Variants in CPPED1 observed in about 807,000 individuals in gnomAD.
CPPED1 encodes the protein calcineurin like phosphoesterase domain containing 1.
CPPED1 carries 28 observed loss-of-function variants against 28.0 expected under a neutral mutation model. The ratio of observed to expected loss-of-function variants is 1.00; its 90% CI spans 0.74 to 1.37. CPPED1 has a LOEUF of 1.37. CPPED1 is among the 40% of genes most tolerant of loss of function. The pLI is 0.00. For missense variants in CPPED1, 504 were observed against 416.5 expected (o/e 1.21, Z -1.83); for synonymous variants, 198 against 180.2 (o/e 1.10, Z -0.79).
intron 2 of CPPED1, among the ~76,000 whole-genome samples, chr16:12,706,060 A>G (rs565466020): frequency 1.2e-4 from 19 of 152,202 alleles, no homozygotes; most frequent in Non-Finnish European, 1.9e-4. Context: ...CAGAATTTCA[A>G]TATCTCACTG....
chr16:12,664,690 T>C lies in CPPED1; in HGVS notation c.*196A>G. ...CTGATTTCCAGGATCATTCGCTCCA[T>C]TTTAAAGGAAATGCAGTTCTATTTT... On this transcript the variant is annotated 3_prime_UTR_variant, in exon 4 of 4. Coordinates refer to ENST00000381774, the MANE Select transcript of CPPED1 (RefSeq NM_018340.3). This position sits in a 1 kb window ranked among gnomAD's most constrained non-coding sequence, Gnocchi z 4.2. 7.0e-7 allele frequency: 1 copy of C among 1,426,344 alleles called. No individual in the cohort carries two copies. Among genetic ancestry groups the C allele is most frequent in the Non-Finnish European group, 9.1e-7 (1 of 1,101,136 alleles). The allele number at this position is 1,426,344 out of a possible 1,614,324, so 88.4% of individuals were successfully genotyped here. A position where few individuals can be genotyped will look rare whatever the true frequency, so the allele number is the denominator to read the frequency against.
chr16:12,732,376 G>C lies in CPPED1; in HGVS notation c.290-27327C>G, dbSNP rs1034283210. 2.0e-5 allele frequency among the ~76,000 whole-genome samples: 3 copies of C among 148,720 alleles called. No individual in the cohort carries two copies. In the East Asian group the frequency reaches 5.9e-4, roughly 29 times the overall value. Reference sequence around the variant, plus strand: ...AAAAAAAAAAAAGGAAATAATATTTGAGGACCAGAACAAGAGGTCCAATAT... The same window carrying C: ...AAAAAAAAAAAAGGAAATAATATTTCAGGACCAGAACAAGAGGTCCAATAT... On this transcript the variant is annotated intron_variant, in intron 2 of 3. Coordinates refer to ENST00000381774, the MANE Select transcript of CPPED1 (RefSeq NM_018340.3).
intron 2 of CPPED1, among the ~76,000 whole-genome samples, chr16:12,778,947 T>C (rs2080513694): frequency 6.6e-6 from 1 of 152,238 alleles, no homozygotes; most frequent in South Asian, 2.1e-4. Context: ...TATGAAGTCT[T>C]GACCAACTGG....
At chr16:12,768,471 T>G (rs1292862900) in intron 2 of CPPED1, among the ~76,000 whole-genome samples, 1 of 152,242 alleles carries the variant, frequency 6.6e-6, no homozygotes, top group East Asian at 1.9e-4. Context: ...TAGCTACGAT[T>G]AAGACTTCTG....
At chr16:12,803,575 T>C (rs148968669) in intron 1 of CPPED1, 132 bp downstream of exon 1, 7,817 of 735,766 alleles carry the variant, frequency 0.011, 56 homozygotes, top group Admixed American at 0.016. Context: ...GATGCAGCTA[T>C]GGCGGCTCCC....
chr16:12,785,429 T>TC (rs1400600585), intron 1 of CPPED1, among the ~76,000 whole-genome samples: 1 of 147,080 alleles, frequency 6.8e-6, no homozygotes, highest in Non-Finnish European at 1.5e-5. Flanking sequence ...GTGAATTCTT[T>TC]TTTTTTTTTT....
At chr16:12,705,813 G>A (rs1331250149) in intron 2 of CPPED1, among the ~76,000 whole-genome samples, 1 of 152,228 alleles carries the variant, frequency 6.6e-6, no homozygotes, top group Admixed American at 6.5e-5. Flanking sequence ...GGCAGAACAT[G>A]CGTTCTTTCA....
chr16:12,790,918 CAAAA>C (rs538022826), intron 1 of CPPED1, among the ~76,000 whole-genome samples: 13 of 63,310 alleles, frequency 2.1e-4, no homozygotes, highest in African/African-American at 4.7e-4. Flanking sequence ...GACTCTATCT[CAAAA>C]AAAAAAAAAA....
At chr16:12,685,657 C>T (rs1294474198) in intron 3 of CPPED1, among the ~76,000 whole-genome samples, 1 of 152,116 alleles carries the variant, frequency 6.6e-6, no homozygotes, top group Non-Finnish European at 1.5e-5. Flanking sequence ...CTGGTTGCCT[C>T]TCACTATCCA....
chr16:12,742,490 TAA>T, intron 2 of CPPED1, among the ~76,000 whole-genome samples: 1 of 152,288 alleles, frequency 6.6e-6, no homozygotes, highest in East Asian at 1.9e-4. Flanking sequence ...TGCAAAAACA[TAA>T]AATCTATCTG....
chr16:12,729,569 C>T (rs1207886625), intron 2 of CPPED1, among the ~76,000 whole-genome samples: 1 of 152,112 alleles, frequency 6.6e-6, no homozygotes, highest in African/African-American at 2.4e-5. Flanking sequence ...GTCTGGAGTA[C>T]TGGTGAGAGG....
intron 2 of CPPED1, among the ~76,000 whole-genome samples, chr16:12,744,270 AAGAGAGAGAG>A (rs112990748): frequency 7.9e-5 from 11 of 139,906 alleles, no homozygotes; most frequent in African/African-American, 2.2e-4. Context: ...GACTCTGTGA[AAGAGAGAGAG>A]AGAGAGAGAG....
chr16:12,760,993 A>G (rs2080405917), intron 2 of CPPED1: 1 of 151,562 alleles, frequency 6.6e-6, no homozygotes, highest in Admixed American at 6.5e-5. Context: ...GGCTGTCATT[A>G]AGTTCCAGTG....
chr16:12,776,850 C>T (rs1259995275), intron 2 of CPPED1, among the ~76,000 whole-genome samples: 2 of 151,972 alleles, frequency 1.3e-5, no homozygotes, highest in African/African-American at 2.4e-5. Context: ...ACCCAGGAGG[C>T]GGAGGTTGCA....
At chr16:12,673,957 G>C (rs2079865498) in intron 3 of CPPED1, among the ~76,000 whole-genome samples, 1 of 152,158 alleles carries the variant, frequency 6.6e-6, no homozygotes, top group Admixed American at 6.5e-5. Flanking sequence ...GCTGAGAAGG[G>C]AGGATTGCTT....
At chr16:12,786,966 T>C (rs1033984787) in intron 1 of CPPED1, among the ~76,000 whole-genome samples, 10 of 152,196 alleles carry the variant, frequency 6.6e-5, no homozygotes, top group Non-Finnish European at 1.5e-4. Context: ...TCTAATTTAT[T>C]ACTACATGAC....
rs146526418 is a variant in CPPED1 at position 12,680,312 on chromosome 16, G to A, written c.716-15197C>T. Among the ~76,000 whole-genome samples, 121 of 152,042 alleles carry A rather than the reference G, an allele frequency of 8.0e-4. 1 individual carries two copies. The highest frequency in any genetic ancestry group is 2.8e-3 in the African/African-American group (117 of 41,458). On this transcript the variant is annotated intron_variant, in intron 3 of 3. Coordinates refer to ENST00000381774, the MANE Select transcript of CPPED1 (RefSeq NM_018340.3). ...GTTCAGCACATTAATAAATCTGTAT[G>A]CATTTTTTCCTGTTCACCTGTTTAT...
chr16:12,764,097 A>G (rs556967701), intron 2 of CPPED1, among the ~76,000 whole-genome samples: 1 of 151,032 alleles, frequency 6.6e-6, no homozygotes, highest in East Asian at 1.9e-4. Flanking sequence ...AGTTTCCATA[A>G]TTTTTCATGA....
intron 2 of CPPED1, among the ~76,000 whole-genome samples, chr16:12,708,076 G>A (rs958032117): frequency 6.6e-6 from 1 of 152,200 alleles, no homozygotes; most frequent in Non-Finnish European, 1.5e-5. Flanking sequence ...GAACCCGGGA[G>A]GCAGAGGTTG....
Sources: gnomAD v4.1 joint callset for allele counts (sites outside exome capture counted in the v4.1 genomes callset) on GRCh38, gnomAD v4.1.1 for gene constraint, Gnocchi (gnomAD v3.1) non-coding constraint, MANE v1.5 for transcripts, NCBI Gene and HGNC (gene_info 2026-07-23, HGNC 2026-07-21) for gene names.